DLG3: variants seen among roughly 807,000 people sequenced by gnomAD.
The protein encoded by DLG3 is disks large homolog 3.
Under a neutral mutation model 64.1 loss-of-function variants are expected in DLG3, and 1 was observed. That is an observed-to-expected ratio of 0.02 (90% CI 0.01 to 0.07). The LOEUF (loss-of-function observed/expected upper bound fraction) is 0.07. DLG3 is among the 10% of genes least tolerant of loss of function. The pLI, the probability that DLG3 is intolerant of heterozygous loss-of-function variation, is 1.00. For missense variants in DLG3, 429 were observed against 669.5 expected (o/e 0.64, Z 3.96); for synonymous variants, 245 against 259.8 (o/e 0.94, Z 0.55).
chrX:70,460,484 G>T (rs1270569377), intron 9 of DLG3, among the ~76,000 whole-genome samples: 2 of 111,875 alleles, frequency 1.8e-5, no homozygotes, highest in Non-Finnish European at 3.8e-5. Flanking sequence ...CCAAAAGATG[G>T]GAGTTGGTTT....
At chrX:70,459,079 C>G (rs902276475) in intron 9 of DLG3, among the ~76,000 whole-genome samples, 18 of 112,089 alleles carry the variant, frequency 1.6e-4, no homozygotes, top group Middle Eastern at 4.7e-3. Flanking sequence ...TGTTTATAAA[C>G]TGATCTAGTA....
chrX:70,461,977 C>G (rs893172516), intron 9 of DLG3, among the ~76,000 whole-genome samples: 1 of 110,074 alleles, frequency 9.1e-6, no homozygotes, highest in African/African-American at 3.3e-5. Context: ...ACTATCATCA[C>G]AATCAATTTT....
chrX:70,477,711 G>A (rs867561521), intron 9 of DLG3, among the ~76,000 whole-genome samples: 2 of 111,942 alleles, frequency 1.8e-5, no homozygotes, highest in African/African-American at 3.3e-5. Context: ...CATAACACCG[G>A]CGTGTGATGA....
intron 10 of DLG3, among the ~76,000 whole-genome samples, chrX:70,491,067 C>T (rs1821117061): frequency 1.8e-5 from 2 of 110,852 alleles, no homozygotes; most frequent in South Asian, 3.9e-4. Flanking sequence ...CATGCAACAT[C>T]ACACCCAGCT....
chrX:70,485,581 C>T (rs1302852977), intron 10 of DLG3, among the ~76,000 whole-genome samples: 1 of 111,649 alleles, frequency 9.0e-6, no homozygotes, highest in Non-Finnish European at 1.9e-5. Flanking sequence ...AGAAGCAACC[C>T]CTTGCCTTTG....
In DLG3 at chrX:70,505,153, AG is replaced by A. The variant is rs1298903716; in HGVS notation, c.*2886del. On this transcript the variant is annotated 3_prime_UTR_variant, in exon 19 of 19. Coordinates refer to ENST00000374360, the MANE Select transcript of DLG3 (RefSeq NM_021120.4). ...AGAGCTTAAGAAAATTCATCTCCTG[AG>A]GACAAAGAGAACAAAGATCTGTCCT... 11 of 112,666 alleles carry A rather than the reference AG, an allele frequency of 9.8e-5. No individual in the cohort carries two copies. Among genetic ancestry groups the A allele is most frequent in the Non-Finnish European group, 1.7e-4 (9 of 53,285 alleles). 9.3% of individuals were successfully genotyped at this position (112,666 alleles called of 1,213,427 possible).
intron 9 of DLG3, among the ~76,000 whole-genome samples, chrX:70,467,853 G>C (rs2086909393): frequency 9.0e-6 from 1 of 111,706 alleles, no homozygotes; most frequent in Admixed American, 9.5e-5. Context: ...TGGGTTGCAA[G>C]AGCCAAAGAC....
At chrX:70,457,564 C>G (rs1285409726) in intron 9 of DLG3, among the ~76,000 whole-genome samples, 2 of 107,986 alleles carry the variant, frequency 1.9e-5, no homozygotes, top group African/African-American at 6.7e-5. Flanking sequence ...CACCACAGTA[C>G]GTTTTAGGAC....
chrX:70,453,502 G>C, intron 7 of DLG3, 135 bp from the exon 8 acceptor site: 1 of 952,452 alleles, frequency 1.0e-6, no homozygotes, highest in Non-Finnish European at 1.4e-6. Flanking sequence ...GAGACAAAGG[G>C]AGGCTCAGGG....
rs762791384 is a variant in DLG3 at position 70,462,481 on chromosome X, C to T, written c.1405+8165C>T. Among the ~76,000 whole-genome samples the T allele has an allele frequency of 2.7e-5, 3 of 110,595 alleles. No individual in the cohort carries two copies. In the South Asian group the frequency reaches 1.1e-3, roughly 42 times the overall value. On this transcript the variant is annotated intron_variant, in intron 9 of 18. Transcript: ENST00000374360. ...GCCAGGCTGGTCTCAAACTCCTGAC[C>T]TCAGGTGATCCACCCACCTCGGCCT...
At chrX:70,459,298 A>C (rs1358980441) in intron 9 of DLG3, among the ~76,000 whole-genome samples, 1 of 112,816 alleles carries the variant, frequency 8.9e-6, no homozygotes, top group Non-Finnish European at 1.9e-5. Flanking sequence ...CTGAATAAGC[A>C]TACTTTTACC....
rs1005832200 is a variant in DLG3 at position 70,453,532 on chromosome X, C to T, written c.1146-105C>T. 5 of 1,100,986 alleles carry T rather than the reference C, an allele frequency of 4.5e-6. No individual in the cohort carries two copies. In the African/African-American group the frequency reaches 9.2e-5, roughly 20 times the overall value. 90.7% of individuals were successfully genotyped at this position (1,100,986 alleles called of 1,213,427 possible). On this transcript the variant is annotated intron_variant, in intron 7 of 18. Transcript: ENST00000374360. ...TCAGGGTATCATACATAGGGAACCA[C>T]GTCCTTACTCCCTACAGCAAGTATG...
intron 10 of DLG3, among the ~76,000 whole-genome samples, chrX:70,491,707 C>A (rs983074471): frequency 8.9e-6 from 1 of 111,981 alleles, no homozygotes; most frequent in Admixed American, 9.5e-5. Flanking sequence ...TTGTAGTTAA[C>A]ATTTTTTGTC....
chrX:70,452,909 G>A (rs2086640759), intron 7 of DLG3: 2 of 523,823 alleles, frequency 3.8e-6, no homozygotes, highest in Non-Finnish European at 2.9e-6. Flanking sequence ...GGCCGGGAAC[G>A]TGCCCTGGGA....
chrX:70,479,190 A>G lies in DLG3; in HGVS notation c.1446A>G (p.Glu482=), dbSNP rs760689458. ...AATCGAAGATACATGACTTACGAGA[A>G]CAAATGATGAACAGCAGCATGAGCT... ...RFESKIHDLR[E]QMMNSSMSSG... Residue 482 remains glutamate (E), a synonymous_variant, in exon 10 of 19, where the codon GAA becomes GAG. Transcript: ENST00000374360. 2 of 1,211,700 alleles carry G rather than the reference A, an allele frequency of 1.7e-6. No individual in the cohort carries two copies. The highest frequency in any genetic ancestry group is 2.2e-5 in the Admixed American group (1 of 46,077).
chrX:70,445,669 C>T (rs2086559183), intron 1 of DLG3, 111 bp downstream of exon 1: 2 of 731,114 alleles, frequency 2.7e-6, no homozygotes, highest in South Asian at 2.5e-5. Flanking sequence ...CCTGTGGACC[C>T]CGAGCCCTAG....
chrX:70,482,660 G>GTTTTTTTTTTTTTTTT (rs200729766), intron 10 of DLG3, among the ~76,000 whole-genome samples: 2 of 69,250 alleles, frequency 2.9e-5, no homozygotes. Context: ...TACATGTGTG[G>GTTTTTTTTTTTTTTTT]TGTTTTTTTT....
intron 10 of DLG3, among the ~76,000 whole-genome samples, chrX:70,489,739 A>G (rs1188183049): frequency 8.9e-6 from 1 of 112,323 alleles, no homozygotes; most frequent in East Asian, 2.8e-4. Flanking sequence ...GCTGTTGCCA[A>G]AGGTCAAGCA....
At chrX:70,450,544 C>A in intron 5 of DLG3, 95 bp from the exon 6 acceptor site, 1 of 1,085,420 alleles carries the variant, frequency 9.2e-7, no homozygotes, top group Non-Finnish European at 1.3e-6. Context: ...CCTTTGTTAG[C>A]ATGCTGTTGA....
Sources: allele counts gnomAD v4.1 joint callset (sites outside exome capture counted in the v4.1 genomes callset), GRCh38; gene constraint gnomAD v4.1.1; transcripts MANE v1.5; gene names NCBI Gene and HGNC (gene_info 2026-07-23, HGNC 2026-07-21).